ADGRA3: variants seen among roughly 807,000 people sequenced by gnomAD.
ADGRA3 encodes the protein G-protein coupled receptor 125.
A neutral mutation model predicts 119.8 loss-of-function variants in ADGRA3; 56 were observed. The observed-to-expected ratio is 0.47, with a 90% CI of 0.38 to 0.58. The LOEUF (loss-of-function observed/expected upper bound fraction) is 0.58. Ranked by LOEUF, ADGRA3 falls within the 20% of genes least tolerant of loss-of-function variation. The probability of loss-of-function intolerance (pLI) is 0.00; values close to 1 mark genes in which losing one functional copy is unlikely to be tolerated. For synonymous variants in ADGRA3, 607 were observed against 623.8 expected (o/e 0.97, Z 0.40); for missense variants, 1,516 against 1,649.0 (o/e 0.92, Z 1.40).
Position 22,388,872 on chromosome 4 carries a change from C to G in ADGRA3, c.2799G>C (p.Met933Ile). The G allele has an allele frequency of 1.2e-6, 2 of 1,614,108 alleles. No homozygotes were observed. The highest frequency in any genetic ancestry group is 2.2e-5 in the South Asian group (2 of 91,086). ...ACTGAATAAATATGCTCAGAAAGTA[C>G]ATGCAGTTTACAAAAGTGATGAAGC... Reference protein sequence around the residue: ...PASFITFVNCMYFLSIFIQLK... With the variant: ...PASFITFVNCIYFLSIFIQLK... The change falls in exon 19 of 19, where the codon ATG becomes ATC. Residue 933 changes from methionine to isoleucine, a missense_variant. This residue lies in a region of ADGRA3 where 1,088 missense variants were observed against 1,107.1 expected (regional missense o/e 0.98). Transcript: ENST00000334304.
At chr4:22,422,165 C>A (rs982675107) in intron 11 of ADGRA3, among the ~76,000 whole-genome samples, 1 of 152,134 alleles carries the variant, frequency 6.6e-6, no homozygotes, top group Non-Finnish European at 1.5e-5. Context: ...CTAGGGACAA[C>A]ATGGCATCTC....
chr4:22,416,647 G>A lies in ADGRA3; in HGVS notation c.1810-2833C>T, dbSNP rs902222103. 2.0e-5 allele frequency among the ~76,000 whole-genome samples: 3 copies of A among 152,192 alleles called. No individual in the cohort carries two copies. The East Asian group carries it at 5.8e-4, about 29-fold the overall frequency. ...AGTGGAAGATGGTTATCTGGGGACT[G>A]GGGGAGAGGAAATGCCTTAACTAAA... On this transcript the variant is annotated intron_variant, in intron 12 of 18. Coordinates refer to ENST00000334304, the MANE Select transcript of ADGRA3 (RefSeq NM_145290.4).
intron 1 of ADGRA3, among the ~76,000 whole-genome samples, chr4:22,491,301 G>T (rs13103323): frequency 6.6e-6 from 1 of 152,160 alleles, no homozygotes; most frequent in Admixed American, 6.5e-5. Context: ...CAGGCCAAGA[G>T]GCAAGATCCA....
intron 1 of ADGRA3, among the ~76,000 whole-genome samples, chr4:22,512,754 C>T (rs1196563412): frequency 6.6e-6 from 1 of 152,272 alleles, no homozygotes; most frequent in East Asian, 1.9e-4. Context: ...CATGGCCCTG[C>T]TAATAGATTG....
intron 1 of ADGRA3, among the ~76,000 whole-genome samples, chr4:22,509,521 AG>A (rs1719365272): frequency 6.7e-6 from 1 of 150,214 alleles, no homozygotes; most frequent in Non-Finnish European, 1.5e-5. Context: ...AGAAAAGAAA[AG>A]AAAAAAAAAA....
intron 3 of ADGRA3, among the ~76,000 whole-genome samples, chr4:22,460,258 G>T (rs778593941): frequency 6.6e-6 from 1 of 152,194 alleles, no homozygotes; most frequent in African/African-American, 2.4e-5. Flanking sequence ...ACGACTGAAG[G>T]GTAGCAGAAC....
In ADGRA3 at chr4:22,387,702, A is replaced by T; in HGVS notation, c.*3T>A. ...GAATTTCTGCCTAGGAAGCCCAGCA[A>T]TGTTACACAGTAGTTTCGTGTTTCC... On this transcript the variant is annotated 3_prime_UTR_variant, in exon 19 of 19. Coordinates refer to ENST00000334304, the MANE Select transcript of ADGRA3 (RefSeq NM_145290.4). 6.3e-7 allele frequency: 1 copy of T among 1,595,172 alleles called. No individual in the cohort carries two copies. The highest frequency in any genetic ancestry group is 2.2e-5 in the East Asian group (1 of 44,542).
At chr4:22,506,379 C>T (rs1242484024) in intron 1 of ADGRA3, among the ~76,000 whole-genome samples, 1 of 152,056 alleles carries the variant, frequency 6.6e-6, no homozygotes, top group East Asian at 1.9e-4. Context: ...GTGGAGAAAA[C>T]CCATCTCTAG....
intron 14 of ADGRA3, among the ~76,000 whole-genome samples, chr4:22,403,638 GGCTGAGGTTGGGAGGATCACTT>G (rs1714765234): frequency 2.0e-5 from 3 of 152,082 alleles, no homozygotes; most frequent in Admixed American, 2.0e-4. Context: ...CTACTCGGTA[GGCTGAGGTTGGGAGGATCACTT>G]GAGTCCAGGA....
intron 4 of ADGRA3, among the ~76,000 whole-genome samples, chr4:22,453,217 A>G (rs28434574): frequency 0.35 from 14,152 of 40,628 alleles, 1,029 homozygotes; most frequent in Non-Finnish European, 0.46. Context: ...AAAAAAAAAA[A>G]GAAAGAAAAA....
chr4:22,467,047 T>C (rs548191433), intron 2 of ADGRA3, among the ~76,000 whole-genome samples: 1 of 152,340 alleles, frequency 6.6e-6, no homozygotes, highest in Admixed American at 6.5e-5. Flanking sequence ...TCATTACTAA[T>C]CATTTCCATT....
At chr4:22,445,190 T>A in intron 5 of ADGRA3, 57 bp from the exon 6 acceptor site, 1 of 1,498,626 alleles carries the variant, frequency 6.7e-7, no homozygotes, top group Non-Finnish European at 9.3e-7. Context: ...ATAGCACTTT[T>A]GTTTTATATT....
intron 1 of ADGRA3, among the ~76,000 whole-genome samples, chr4:22,497,942 T>TAA (rs74413790): frequency 0.11 from 12,734 of 111,196 alleles, 752 homozygotes; most frequent in East Asian, 0.24. Context: ...AGACCCCATC[T>TAA]AAAAAAAAAA....
In ADGRA3 at chr4:22,509,575, G is replaced by A. The variant is rs572165032; in HGVS notation, c.257+5953C>T. On this transcript the variant is annotated intron_variant, in intron 1 of 18. Transcript: ENST00000334304. ...GCATCTTCACTTAGCACCTTCCCCC[G>A]TAGGTAGGGATAACTACTCCTCTGA... 7.3e-5 allele frequency among the ~76,000 whole-genome samples: 11 copies of A among 150,938 alleles called. No homozygotes were observed. In the East Asian group the frequency reaches 9.8e-4, roughly 13 times the overall value.
chr4:22,388,395 G>A lies in ADGRA3; in HGVS notation c.3276C>T (p.Ser1092=), dbSNP rs772587537. ...TNGEAPKCPN[S]SAESSCTNKS... is the part of the protein sequence containing the mutation. ...TGTTTGTGCATGAAGACTCCGCACTGCTATTGGGGCATTTGGGTGCCTCTC... is the reference window on the plus strand; with the variant it reads ...TGTTTGTGCATGAAGACTCCGCACTACTATTGGGGCATTTGGGTGCCTCTC... The change falls in exon 19 of 19, where the codon AGC becomes AGT. Residue 1092 remains serine, a synonymous_variant. Coordinates refer to ENST00000334304, the MANE Select transcript of ADGRA3 (RefSeq NM_145290.4). 3.7e-6 allele frequency: 6 copies of A among 1,613,950 alleles called. No individual in the cohort carries two copies. Among genetic ancestry groups the A allele is most frequent in the Non-Finnish European group, 5.1e-6 (6 of 1,180,000 alleles).
At chr4:22,394,120 A>T (rs2108996764) in intron 16 of ADGRA3, 1 of 152,268 alleles carries the variant, frequency 6.6e-6, no homozygotes, top group Non-Finnish European at 1.5e-5. Flanking sequence ...GCTTTTTTAT[A>T]TAATTATGAA....
chr4:22,441,833 C>T (rs61588486), intron 7 of ADGRA3, among the ~76,000 whole-genome samples: 2 of 152,218 alleles, frequency 1.3e-5, no homozygotes, highest in South Asian at 2.1e-4. Flanking sequence ...CATGAAATCT[C>T]AAGAAAAATT....
At chr4:22,515,497 GA>G in intron 1 of ADGRA3, 30 bp downstream of exon 1, 1 of 1,597,262 alleles carries the variant, frequency 6.3e-7, no homozygotes, top group South Asian at 1.1e-5. Flanking sequence ...AGCCGAGCGG[GA>G]GAGGACCCAG....
In ADGRA3 at chr4:22,404,161, A is replaced by C. The variant is rs61791979; in HGVS notation, c.2233-1362T>G. ...TGACTCTTATAGCTAAAAAGTGACT[A>C]CTGAATAAGCGAAGGAGCCCACAGT... On this transcript the variant is annotated intron_variant, in intron 14 of 18. Coordinates refer to ENST00000334304, the MANE Select transcript of ADGRA3 (RefSeq NM_145290.4). 6.5e-3 allele frequency among the ~76,000 whole-genome samples: 996 copies of C among 152,320 alleles called. 6 individuals carry two copies. Among genetic ancestry groups the C allele is most frequent in the Middle Eastern group, 0.044 (13 of 294 alleles).
Sources: gnomAD v4.1 joint callset for allele counts (sites outside exome capture counted in the v4.1 genomes callset) on GRCh38, gnomAD v4.1.1 for gene constraint, gnomAD v4.1.1 regional missense constraint, MANE v1.5 for transcripts, NCBI Gene and HGNC (gene_info 2026-07-23, HGNC 2026-07-21) for gene names.